Variants in CLIC5 observed in about 807,000 individuals in gnomAD.
CLIC5 encodes chloride intracellular channel protein 5.
In CLIC5, 20 loss-of-function variants were observed where a neutral mutation model predicts 24.7. The observed-to-expected ratio is 0.81, with a 90% CI of 0.57 to 1.18. The LOEUF is 1.18. Ranked by LOEUF, CLIC5 falls within the 50% of genes most tolerant of loss-of-function variation. The pLI is 0.00. For synonymous variants in CLIC5, 159 were observed against 135.6 expected, an observed-to-expected ratio of 1.17 and a Z score of -1.20; for missense variants, 341 against 326.1, an observed-to-expected ratio of 1.05 and a Z score of -0.35.
At chr6:45,881,004 T>G (rs1762258482), downstream of CLIC5, 1 of 396,812 alleles carries the variant, frequency 2.5e-6, no homozygotes, top group Non-Finnish European at 4.4e-6. Flanking sequence ...AAATCCAGAC[T>G]TCAACAAATA....
chr6:46,065,371 G>A (rs966687021), intron 1 of CLIC5, among the ~76,000 whole-genome samples: 15 of 150,008 alleles, frequency 1.0e-4, no homozygotes, highest in African/African-American at 3.7e-4. Flanking sequence ...TAAAAAAAAG[G>A]TTAAACATTC....
intron 1 of CLIC5, among the ~76,000 whole-genome samples, chr6:46,044,604 G>A (rs545315626): frequency 2.0e-5 from 3 of 152,276 alleles, no homozygotes; most frequent in East Asian, 1.9e-4. Context: ...GAGCAGACCC[G>A]CTTGACAGTG....
intron 1 of CLIC5, among the ~76,000 whole-genome samples, chr6:46,074,086 G>GT (rs1227061683): frequency 2.0e-5 from 3 of 152,044 alleles, no homozygotes; most frequent in East Asian, 3.8e-4. Context: ...AATCAGTAAT[G>GT]TTTTTTTAAA....
At chr6:45,963,346 G>A (rs554820717) in intron 1 of CLIC5, among the ~76,000 whole-genome samples, 21 of 152,236 alleles carry the variant, frequency 1.4e-4, no homozygotes, top group African/African-American at 4.8e-4. Flanking sequence ...CAGTTGCATG[G>A]GGCCCCATTA....
Position 45,958,435 on chromosome 6 carries a change from T to TATATATATACACACACACACAC in CLIC5, c.64-3192_64-3191insGTGTGTGTGTGTGTATATATAT, listed in dbSNP as rs1561964431. 5.7e-3 allele frequency among the ~76,000 whole-genome samples: 32 copies of TATATATATACACACACACACAC among 5,606 alleles called. 2 individuals are homozygous for TATATATATACACACACACACAC. Among genetic ancestry groups the TATATATATACACACACACACAC allele is most frequent in the African/African-American group, 9.7e-3 (29 of 2,996 alleles). The allele number at this position is 5,606 out of a possible 152,430, so 3.7% of individuals were successfully genotyped here. On this transcript the variant is annotated intron_variant, in intron 1 of 5. Transcript: ENST00000339561. ...TCAAAAAGACAATTATATATATATA[T>TATATATATACACACACACACAC]ATATATATATATATATATATATATA...
At chr6:46,063,835 AC>A (rs1343312672) in intron 1 of CLIC5, among the ~76,000 whole-genome samples, 4 of 152,180 alleles carry the variant, frequency 2.6e-5, no homozygotes, top group Non-Finnish European at 5.9e-5. Flanking sequence ...GCGTTTCTGG[AC>A]CCACTTCTAC....
In CLIC5 at chr6:45,960,357, G is replaced by A. The variant is rs551593598; in HGVS notation, c.64-5113C>T. On this transcript the variant is annotated intron_variant, in intron 1 of 5. Transcript: ENST00000339561. ...CAATTTATTGCCTTTCAGCTCCAAT[G>A]CACCCTTGAATATATGCTCTGTGAG... is the stretch of plus-strand genomic sequence containing the variant. Among the ~76,000 whole-genome samples, 17 of 152,346 alleles carry A rather than the reference G, an allele frequency of 1.1e-4. No homozygotes were observed. In the South Asian group the frequency reaches 3.5e-3, roughly 32 times the overall value.
At chr6:45,886,450 A>C (rs969795501) in intron 6 of CLIC5, among the ~76,000 whole-genome samples, 5 of 152,182 alleles carry the variant, frequency 3.3e-5, no homozygotes, top group Non-Finnish European at 7.3e-5. Flanking sequence ...TCAAGTGGCA[A>C]TTTAAACATT....
At chr6:46,098,777 C>T in the CLIC5 span, among the ~76,000 whole-genome samples, 1 of 152,146 alleles carries the variant, frequency 6.6e-6, no homozygotes, top group African/African-American at 2.4e-5. Flanking sequence ...GTGTCACCAC[C>T]CAGTCAATCA....
At chr6:46,117,438 T>A in the CLIC5 span, among the ~76,000 whole-genome samples, 1 of 152,244 alleles carries the variant, frequency 6.6e-6, no homozygotes, top group Admixed American at 6.5e-5. Context: ...TACATGCAAA[T>A]GTGTTGGTTA....
At chr6:46,001,395 T>C (rs573344029) in intron 1 of CLIC5, among the ~76,000 whole-genome samples, 2 of 152,300 alleles carry the variant, frequency 1.3e-5, no homozygotes, top group Admixed American at 6.5e-5. Context: ...TCTCCCCTCA[T>C]GTTGCACACT....
chr6:45,954,158 C>A (rs1485198322), intron 2 of CLIC5, among the ~76,000 whole-genome samples: 1 of 151,022 alleles, frequency 6.6e-6, no homozygotes, highest in Non-Finnish European at 1.5e-5. Flanking sequence ...TCTGTAATCC[C>A]AGCTACTCGG....
At chr6:45,993,556 C>T (rs1309124949) in intron 1 of CLIC5, among the ~76,000 whole-genome samples, 1 of 151,056 alleles carries the variant, frequency 6.6e-6, no homozygotes, top group Admixed American at 6.6e-5. Flanking sequence ...GTGTGAGTTA[C>T]ATCAACCACA....
chr6:46,016,843 G>C (rs147884664), upstream of CLIC5, among the ~76,000 whole-genome samples: 1 of 152,138 alleles, frequency 6.6e-6, no homozygotes, highest in Non-Finnish European at 1.5e-5. Flanking sequence ...TTGGTGTCTG[G>C]CTTCTTTCGC....
chr6:45,939,798 G>T (rs929009007), intron 4 of CLIC5, among the ~76,000 whole-genome samples: 5 of 151,620 alleles, frequency 3.3e-5, no homozygotes, highest in African/African-American at 1.2e-4. Flanking sequence ...ACATCACCTT[G>T]CTCAGCTAAT....
rs185497809 is a variant in CLIC5, at chr6:46,070,226, A to G, written c.540+9477T>C. 1.1e-3 allele frequency among the ~76,000 whole-genome samples: 161 copies of G among 152,322 alleles called. 1 individual carries two copies. Among genetic ancestry groups the G allele is most frequent in the African/African-American group, 3.8e-3 (157 of 41,562 alleles). On this transcript the variant is annotated intron_variant, in intron 1 of 5. Coordinates refer to the CLIC5 transcript ENST00000185206. Reference sequence around the variant, plus strand: ...TAGTATTGGAAGTTCTTGCCAGAACAATCAGGTAAGAGAAAGAAATAAAAG... The same window carrying G: ...TAGTATTGGAAGTTCTTGCCAGAACGATCAGGTAAGAGAAAGAAATAAAAG...
At chr6:46,109,803 T>C in the CLIC5 span, among the ~76,000 whole-genome samples, 1 of 152,186 alleles carries the variant, frequency 6.6e-6, no homozygotes, top group South Asian at 2.1e-4. Context: ...TCTCCAGAAT[T>C]TGGAAACTGT....
At chr6:46,049,855 C>T (rs1768054898) in intron 1 of CLIC5, among the ~76,000 whole-genome samples, 1 of 152,180 alleles carries the variant, frequency 6.6e-6, no homozygotes. Context: ...ATGGGAAATG[C>T]TGAGTTAAAC....
rs1427042248 is a variant in CLIC5 at position 45,933,553 on chromosome 6, G to A, written c.406+7994C>T. Reference sequence around the variant, plus strand: ...AGGAAGGTTTTTAGGGCTTTCTTTCGGAAGTTAGAAGCACCTTATTAGGAC... The same window carrying A: ...AGGAAGGTTTTTAGGGCTTTCTTTCAGAAGTTAGAAGCACCTTATTAGGAC... On this transcript the variant is annotated intron_variant, in intron 4 of 5. Coordinates refer to ENST00000339561, the MANE Select transcript of CLIC5 (RefSeq NM_016929.5). 3.3e-5 allele frequency among the ~76,000 whole-genome samples: 5 copies of A among 152,220 alleles called. No individual in the cohort carries two copies. In the South Asian group the frequency reaches 6.2e-4, roughly 19 times the overall value.
Sources: gnomAD v4.1 joint callset for allele counts (sites outside exome capture counted in the v4.1 genomes callset) on GRCh38, gnomAD v4.1.1 for gene constraint, MANE v1.5 for transcripts, NCBI Gene and HGNC (gene_info 2026-07-23, HGNC 2026-07-21) for gene names.